The following ADPRHL1 variants were observed in gnomAD, a reference collection of about 807,000 sequenced individuals.
ADPRHL1 encodes the protein ADP-ribosylhydrolase like 1.
In ADPRHL1, 43 loss-of-function variants were observed where a neutral mutation model predicts 44.1. The observed-to-expected ratio is 0.98, with a 90% CI of 0.76 to 1.26. ADPRHL1 has a LOEUF of 1.26. ADPRHL1 is among the 50% of genes most tolerant of loss of function. The probability of loss-of-function intolerance (pLI) is 0.00; values close to 1 mark genes in which losing one functional copy is unlikely to be tolerated. For synonymous variants in ADPRHL1, 878 were observed against 1,017.4 expected (o/e 0.86, Z 2.61); for missense variants, 2,022 against 2,496.9 (o/e 0.81, Z 4.05).
At chr13:113,446,145 C>G (rs1383635403) in intron 1 of ADPRHL1, among the ~76,000 whole-genome samples, 1 of 139,774 alleles carries the variant, frequency 7.2e-6, no homozygotes, top group African/African-American at 2.7e-5. Context: ...CCCTCCCCCC[C>G]AGAGAGCACG....
intron 7 of ADPRHL1, chr13:113,422,119 C>T (rs559847774): frequency 6.6e-6 from 1 of 152,240 alleles, no homozygotes; most frequent in Non-Finnish European, 1.5e-5. Context: ...AAGGGAAAGG[C>T]CTTCTCTGCA....
chr13:113,412,859 GTTCACCCACCGCC>G (rs2043865296), intron 7 of ADPRHL1, among the ~76,000 whole-genome samples: 8 of 63,622 alleles, frequency 1.3e-4, no homozygotes, highest in South Asian at 4.5e-4. Context: ...GCAGAGCTCG[GTTCACCCACCGCC>G]AACAGCGCCC....
At position 113,450,991 on chromosome 13, in the gene ADPRHL1, G is replaced by T. The variant is rs181167313; in HGVS notation, c.214+2233C>A. On this transcript the variant is annotated intron_variant, in intron 1 of 7. Coordinates refer to ENST00000612156, the MANE Select transcript of ADPRHL1 (RefSeq NM_001394807.1). ...CCTGGTCTGCTAAGTAGCAGGTGTT[G>T]TTCCTTGCCACCTTTTGCTACTGCT... is the stretch of plus-strand genomic sequence containing the variant. 4.2e-3 allele frequency among the ~76,000 whole-genome samples: 635 copies of T among 150,222 alleles called. 3 individuals are homozygous for T. Among genetic ancestry groups the T allele is most frequent in the Middle Eastern group, 6.8e-3 (2 of 294 alleles).
At chr13:113,410,187 G>A (rs1056145407) in intron 7 of ADPRHL1, 22 of 944,102 alleles carry the variant, frequency 2.3e-5, no homozygotes, top group Admixed American at 6.2e-5. Flanking sequence ...ACAGGACTCC[G>A]CTTCCCCCAC....
chr13:113,422,739 C>T (rs2043934780), intron 7 of ADPRHL1, 87 bp downstream of exon 7: 1 of 1,547,956 alleles, frequency 6.5e-7, no homozygotes, highest in Middle Eastern at 1.8e-4. Flanking sequence ...CTCACAGAGA[C>T]ACCCTCACCC....
rs183722643 is a variant in ADPRHL1 at position 113,437,056 on chromosome 13, G to C, written c.380-3189C>G. 6.2e-4 allele frequency among the ~76,000 whole-genome samples: 92 copies of C among 147,774 alleles called. 2 individuals carry two copies. The highest frequency in any genetic ancestry group is 4.5e-3 in the Admixed American group (67 of 14,892). On this transcript the variant is annotated intron_variant, in intron 2 of 7. Coordinates refer to ENST00000612156, the MANE Select transcript of ADPRHL1 (RefSeq NM_001394807.1). ...GGCACCCAGGCGCAGGGTGAACATA[G>C]GTGTACCCCGGGACCCAGCACCCAC...
In ADPRHL1 at chr13:113,403,722, G is replaced by C. The variant is rs1411559308; in HGVS notation, c.5560C>G (p.Leu1854Val). 8 of 1,232,100 alleles carry C rather than the reference G, an allele frequency of 6.5e-6. No individual in the cohort carries two copies. Among genetic ancestry groups the C allele is most frequent in the African/African-American group, 1.6e-5 (1 of 64,394 alleles). 76.3% of individuals were successfully genotyped at this position (1,232,100 alleles called of 1,614,324 possible). ...GGGTACCCGGCGCTGGGCTCCCCCA[G>C]GCCACTGCCCCCTGACTGTCCACCA... ...RDGGQSGGSG[L>V]GEPSAGYPPP... Residue 1854 changes from leucine (L) to valine (V), a missense_variant, in exon 8 of 8, where the codon CTG (leucine) becomes GTG (valine). Physicochemically the swap from Leu to Val is conservative, Grantham distance 32. Coordinates refer to ENST00000612156, the MANE Select transcript of ADPRHL1 (RefSeq NM_001394807.1).
intron 4 of ADPRHL1, among the ~76,000 whole-genome samples, chr13:113,426,421 A>G (rs1453149807): frequency 6.6e-6 from 1 of 152,238 alleles, no homozygotes; most frequent in East Asian, 1.9e-4. Context: ...ACATGAGGTG[A>G]CAGGGCACAG....
intron 4 of ADPRHL1, among the ~76,000 whole-genome samples, chr13:113,428,519 G>A (rs1358830041): frequency 6.6e-6 from 1 of 152,212 alleles, no homozygotes; most frequent in African/African-American, 2.4e-5. Flanking sequence ...TGCTGTCCCT[G>A]CCTCTGGCCA....
At chr13:113,426,710 C>T (rs908012429) in intron 4 of ADPRHL1, among the ~76,000 whole-genome samples, 1 of 152,220 alleles carries the variant, frequency 6.6e-6, no homozygotes, top group Non-Finnish European at 1.5e-5. Flanking sequence ...AAGAGGGCAG[C>T]GGTCACAGGT....
intron 4 of ADPRHL1, among the ~76,000 whole-genome samples, chr13:113,425,536 T>C (rs2043962133): frequency 6.6e-6 from 1 of 152,006 alleles, no homozygotes; most frequent in South Asian, 2.1e-4. Flanking sequence ...CACACCCGGC[T>C]AATTTTTGTA....
At chr13:113,432,916 C>T (rs9577549) in intron 3 of ADPRHL1, among the ~76,000 whole-genome samples, 7,381 of 152,222 alleles carry the variant, frequency 0.048, 314 homozygotes, top group East Asian at 0.13. Flanking sequence ...CCAACCGAGC[C>T]GCCTCCTCAT....
At position 113,404,584 on chromosome 13, in the gene ADPRHL1, C is replaced by G. The variant is rs1477944683; in HGVS notation, c.4698G>C (p.Gly1566=). 4.7e-6 allele frequency: 6 copies of G among 1,279,410 alleles called. No homozygotes were observed. The East Asian group carries it at 1.3e-4, about 27-fold the overall frequency. 79.3% of individuals were successfully genotyped at this position (1,279,410 alleles called of 1,614,324 possible). Residue 1566 remains glycine, a synonymous_variant, in exon 8 of 8, where the codon GGG becomes GGC. Transcript: ENST00000612156. Reference sequence around the variant, plus strand: ...CACCCTGAGCTGGTTCCTGTGCCTGCCCCTGGGCCTCTATCTGGGTCTGCC... The same window carrying G: ...CACCCTGAGCTGGTTCCTGTGCCTGGCCCTGGGCCTCTATCTGGGTCTGCC... ...AQWQTQIEAQ[G]QAQEPAQGGA... is the part of the protein sequence containing the mutation.
At chr13:113,433,133 G>C (rs1282105277) in intron 3 of ADPRHL1, among the ~76,000 whole-genome samples, 2 of 152,190 alleles carry the variant, frequency 1.3e-5, no homozygotes, top group Non-Finnish European at 2.9e-5. Context: ...GCCCGATTTG[G>C]GGGTGTGATT....
At chr13:113,421,246 G>C (rs1022136631) in intron 7 of ADPRHL1, among the ~76,000 whole-genome samples, 2 of 5,856 alleles carry the variant, frequency 3.4e-4, no homozygotes, top group African/African-American at 5.3e-4. Flanking sequence ...CCCGGGACAC[G>C]CCCACCCCAG....
Position 113,409,613 on chromosome 13 carries a change from C to T in ADPRHL1, c.1062-1393G>A, listed in dbSNP as rs556868458. 15 of 985,272 alleles carry T rather than the reference C, an allele frequency of 1.5e-5. No homozygotes were observed. The highest frequency in any genetic ancestry group is 1.4e-4 in the African/African-American group (8 of 57,314). The allele number at this position is 985,272 out of a possible 1,614,324, so 61.0% of individuals were successfully genotyped here. On this transcript the variant is annotated intron_variant, in intron 7 of 7. Coordinates refer to ENST00000612156, the MANE Select transcript of ADPRHL1 (RefSeq NM_001394807.1). The surrounding 1 kb of genome is among the most constrained non-coding windows in gnomAD (Gnocchi z 4.2). ...TTTTTAAGAAGCTGAGGCCGGGCGCCGTGGCTCACGCCTGTAATCTCAGCG... is the reference window on the plus strand; with the variant it reads ...TTTTTAAGAAGCTGAGGCCGGGCGCTGTGGCTCACGCCTGTAATCTCAGCG...
intron 2 of ADPRHL1, among the ~76,000 whole-genome samples, chr13:113,437,783 T>G (rs1034426473): frequency 6.6e-6 from 1 of 152,216 alleles, no homozygotes; most frequent in East Asian, 1.9e-4. Flanking sequence ...CTCTCTTCTC[T>G]TGGGCGAATG....
intron 4 of ADPRHL1, among the ~76,000 whole-genome samples, chr13:113,425,554 T>G (rs1415665190): frequency 6.6e-6 from 1 of 152,022 alleles, no homozygotes; most frequent in Non-Finnish European, 1.5e-5. Context: ...GTATTTTTAG[T>G]AGAGACGAGG....
intron 1 of ADPRHL1, among the ~76,000 whole-genome samples, chr13:113,451,807 C>CA (rs11438907): frequency 0.091 from 13,862 of 151,954 alleles, 2,018 homozygotes; most frequent in African/African-American, 0.31. Flanking sequence ...GACTCCGTCT[C>CA]AAAAAACAAA....
Sources: allele counts gnomAD v4.1 joint callset (sites outside exome capture counted in the v4.1 genomes callset), GRCh38; gene constraint gnomAD v4.1.1; non-coding constraint Gnocchi (gnomAD v3.1); transcripts MANE v1.5; gene names NCBI Gene and HGNC (gene_info 2026-07-23, HGNC 2026-07-21).